IQGAP1: variants seen among roughly 807,000 people sequenced by gnomAD.
IQGAP1 encodes IQ motif containing GTPase activating protein 1, also known as ras GTPase-activating-like protein IQGAP1.
A neutral mutation model predicts 215.6 loss-of-function variants in IQGAP1; 66 were observed. The observed-to-expected ratio is 0.31, with a 90% CI of 0.25 to 0.38. The LOEUF (loss-of-function observed/expected upper bound fraction) is 0.38, where lower values mean the gene tolerates loss of function less well. Ranked by LOEUF, IQGAP1 falls within the 10% of genes least tolerant of loss-of-function variation. The pLI, the probability that IQGAP1 is intolerant of heterozygous loss-of-function variation, is 1.00. For missense variants in IQGAP1, 1,712 were observed against 1,997.1 expected (o/e 0.86, Z 2.72); for synonymous variants, 772 against 728.7 (o/e 1.06, Z -0.96).
At position 90,500,237 on chromosome 15, in the gene IQGAP1, A is replaced by T. The variant is rs1190575100; in HGVS notation, c.*129A>T. 3.3e-6 allele frequency: 2 copies of T among 602,694 alleles called. No homozygotes were observed. The highest frequency in any genetic ancestry group is 2.8e-5 in the East Asian group (1 of 36,158). The allele number at this position is 602,694 out of a possible 1,614,324, so 37.3% of individuals were successfully genotyped here. ...AGCACCTCAATCTGATACACTCCCG[A>T]TGCCACATTTTTAACTCCTCTCGCT... On this transcript the variant is annotated 3_prime_UTR_variant, in exon 38 of 38. Coordinates refer to ENST00000268182, the MANE Select transcript of IQGAP1 (RefSeq NM_003870.4).
intron 18 of IQGAP1, among the ~76,000 whole-genome samples, chr15:90,469,990 G>A (rs950561920): frequency 1.4e-5 from 2 of 145,426 alleles, no homozygotes; most frequent in African/African-American, 5.4e-5. Flanking sequence ...ACTTCTAGCA[G>A]AGTGATTTTT....
chr15:90,458,736 G>C (rs9646228), intron 15 of IQGAP1, among the ~76,000 whole-genome samples: 1 of 152,232 alleles, frequency 6.6e-6, no homozygotes, highest in South Asian at 2.1e-4. Context: ...CTTCTTATCC[G>C]AGTAAGTAAA....
At position 90,491,369 on chromosome 15, in the gene IQGAP1, A is replaced by G. The variant is rs1447565134; in HGVS notation, c.4285A>G (p.Ile1429Val). The G allele has an allele frequency of 1.2e-6, 2 of 1,614,076 alleles. No individual in the cohort carries two copies. The highest frequency in any genetic ancestry group is 1.7e-6 in the Non-Finnish European group (2 of 1,180,058). Residue 1429 changes from isoleucine to valine, a missense_variant, in exon 34 of 38, where the codon ATC becomes GTC. Transcript: ENST00000268182. ...EHQRAMQRRAIRDAKTPDKMK... is the reference protein window; with the variant it reads ...EHQRAMQRRAVRDAKTPDKMK... ...TCAGAGAGCCATGCAGAGACGTGCT[A>G]TCCGTGATGCCAAAACACCTGACAA...
At chr15:90,411,313 CTG>C (rs200430091) in intron 2 of IQGAP1, among the ~76,000 whole-genome samples, 2,188 of 151,880 alleles carry the variant, frequency 0.014, 40 homozygotes, top group African/African-American at 0.05. Context: ...GGGTCTCACT[CTG>C]TTACCCAGGC....
chr15:90,391,400 C>T (rs144276169), intron 2 of IQGAP1: 392 of 152,580 alleles, frequency 2.6e-3, no homozygotes, highest in Middle Eastern at 3.4e-3. Flanking sequence ...GTGTACTGAA[C>T]GGTTTTCCAG....
chr15:90,412,556 T>C (rs1349018511), intron 2 of IQGAP1, among the ~76,000 whole-genome samples: 3 of 152,230 alleles, frequency 2.0e-5, no homozygotes, highest in Non-Finnish European at 2.9e-5. Flanking sequence ...CCATTTTCTC[T>C]GGGAAGTCAT....
chr15:90,420,918 C>G (rs1048877044), intron 2 of IQGAP1, among the ~76,000 whole-genome samples: 3 of 152,102 alleles, frequency 2.0e-5, no homozygotes, highest in African/African-American at 7.2e-5. Context: ...TTTGGGAGGC[C>G]AAGGTGGGCG....
chr15:90,478,408 G>T (rs1830508211), intron 26 of IQGAP1, among the ~76,000 whole-genome samples: 1 of 152,166 alleles, frequency 6.6e-6, no homozygotes, highest in Admixed American at 6.5e-5. Context: ...TGTTAGAGAT[G>T]TGTACAGTAA....
chr15:90,486,802 T>C, intron 31 of IQGAP1, 152 bp from the exon 32 acceptor site: 1 of 731,656 alleles, frequency 1.4e-6, no homozygotes, highest in South Asian at 1.9e-5. Flanking sequence ...GCATAACATT[T>C]TATTTCTCAG....
At chr15:90,470,190 C>G (rs1047034348) in intron 18 of IQGAP1, among the ~76,000 whole-genome samples, 1 of 152,178 alleles carries the variant, frequency 6.6e-6, no homozygotes, top group African/African-American at 2.4e-5. Context: ...ATAGATCCTC[C>G]CACTCTACTC....
At chr15:90,403,769 G>A (rs968962410) in intron 2 of IQGAP1, among the ~76,000 whole-genome samples, 18 of 152,146 alleles carry the variant, frequency 1.2e-4, no homozygotes, top group African/African-American at 4.3e-4. Flanking sequence ...CACCTCCAGG[G>A]TTCAAGCGAT....
chr15:90,426,365 T>C, intron 3 of IQGAP1, 99 bp downstream of exon 3: 1 of 1,333,950 alleles, frequency 7.5e-7, no homozygotes, highest in Non-Finnish European at 1.0e-6. Context: ...GTGTAAGGTG[T>C]GTTTGTTGCA....
intron 9 of IQGAP1, 148 bp from the exon 10 acceptor site, chr15:90,448,425 A>G: frequency 3.0e-6 from 2 of 662,490 alleles, no homozygotes. Flanking sequence ...TCCAATCCCA[A>G]GATCTTATGC....
At chr15:90,412,653 C>G (rs1964983255) in intron 2 of IQGAP1, among the ~76,000 whole-genome samples, 1 of 152,140 alleles carries the variant, frequency 6.6e-6, no homozygotes, top group South Asian at 2.1e-4. Context: ...TTTACCATTA[C>G]CATATGGAAA....
chr15:90,424,131 G>A (rs898344224), intron 2 of IQGAP1, among the ~76,000 whole-genome samples: 4 of 151,832 alleles, frequency 2.6e-5, no homozygotes, highest in African/African-American at 9.7e-5. Flanking sequence ...ATTGTCCCCT[G>A]AGAGCTGGAG....
chr15:90,479,884 A>G (rs1205560135), intron 26 of IQGAP1, among the ~76,000 whole-genome samples: 1 of 152,176 alleles, frequency 6.6e-6, no homozygotes, highest in Non-Finnish European at 1.5e-5. Context: ...GAATGTGGTC[A>G]GCCAAGTGCA....
At chr15:90,458,026 G>A (rs1965710871) in intron 15 of IQGAP1, among the ~76,000 whole-genome samples, 1 of 152,142 alleles carries the variant, frequency 6.6e-6, no homozygotes, top group South Asian at 2.1e-4. Context: ...GTACCCATTA[G>A]TAGTCACTCA....
chr15:90,402,656 A>G (rs1964819534), intron 2 of IQGAP1, among the ~76,000 whole-genome samples: 1 of 152,226 alleles, frequency 6.6e-6, no homozygotes, highest in Admixed American at 6.5e-5. Context: ...GCTTGGGATT[A>G]TTGATGAGCA....
intron 2 of IQGAP1, among the ~76,000 whole-genome samples, chr15:90,418,278 A>G (rs1436234174): frequency 1.3e-5 from 2 of 152,154 alleles, no homozygotes; most frequent in Admixed American, 1.3e-4. Context: ...TAGAATAAAT[A>G]TGAAAAGGTA....
Sources: allele counts gnomAD v4.1 joint callset (sites outside exome capture counted in the v4.1 genomes callset), GRCh38; gene constraint gnomAD v4.1.1; transcripts MANE v1.5; gene names NCBI Gene and HGNC (gene_info 2026-07-23, HGNC 2026-07-21).